Variants in SORBS2 observed in about 807,000 individuals in gnomAD.
SORBS2 encodes the protein sorbin and SH3 domain containing 2, also known as sorbin and SH3 domain-containing protein 2.
Under a neutral mutation model 97.7 loss-of-function variants are expected in SORBS2, and 46 were observed. The ratio of observed to expected loss-of-function variants is 0.47; its 90% CI spans 0.37 to 0.60. SORBS2 has a LOEUF of 0.60. Ranked by LOEUF, SORBS2 falls within the 20% of genes least tolerant of loss-of-function variation. The probability of loss-of-function intolerance (pLI) is 0.00; values close to 1 mark genes in which losing one functional copy is unlikely to be tolerated. For missense variants in SORBS2, 1,316 were observed against 1,282.3 expected (o/e 1.03, Z -0.40); for synonymous variants, 476 against 473.4 (o/e 1.01, Z -0.07).
intron 1 of SORBS2, among the ~76,000 whole-genome samples, chr4:185,885,708 T>C (rs1305376408): frequency 6.6e-6 from 1 of 152,238 alleles, no homozygotes; most frequent in Non-Finnish European, 1.5e-5. Context: ...ACCTGAACAC[T>C]TGGCTCTTTA....
intron 1 of SORBS2, among the ~76,000 whole-genome samples, chr4:185,798,063 C>T (rs1404190973): frequency 3.9e-5 from 6 of 152,170 alleles, no homozygotes; most frequent in Non-Finnish European, 5.9e-5. Context: ...ACTGAACATA[C>T]GCAGCCTGGA....
chr4:185,727,073 G>T lies in SORBS2; in HGVS notation c.-198+48154C>A, dbSNP rs557930505. ...TAAGTACGCTTTGAACAGATCAGAA[G>T]CCCTGGACAGACGCCACCACAAAAG... On this transcript the variant is annotated intron_variant, in intron 2 of 20. Transcript: ENST00000284776. Among the ~76,000 whole-genome samples, 14 of 152,288 alleles carry T rather than the reference G, an allele frequency of 9.2e-5. No homozygotes were observed. The South Asian group carries it at 2.9e-3, about 32-fold the overall frequency.
chr4:185,856,112 T>A (rs553868647), intron 1 of SORBS2, among the ~76,000 whole-genome samples: 1 of 152,328 alleles, frequency 6.6e-6, no homozygotes, highest in Admixed American at 6.5e-5. Context: ...AGTGCATTTC[T>A]CACATTCCGT....
intron 1 of SORBS2, among the ~76,000 whole-genome samples, chr4:185,780,084 C>T (rs970954676): frequency 2.1e-5 from 3 of 142,068 alleles, no homozygotes; most frequent in Admixed American, 7.9e-5. Flanking sequence ...AGCACAATCT[C>T]GGCTCACCGC....
At chr4:185,646,526 A>G in intron 4 of SORBS2, 142 bp downstream of exon 13, 1 of 595,786 alleles carries the variant, frequency 1.7e-6, no homozygotes. Context: ...GATGAGATGT[A>G]CAAATCATTA....
chr4:185,725,711 T>C (rs892131232), intron 2 of SORBS2, among the ~76,000 whole-genome samples: 1 of 152,194 alleles, frequency 6.6e-6, no homozygotes, highest in African/African-American at 2.4e-5. Flanking sequence ...TTAATTTTAT[T>C]TTATCAAATA....
intron 1 of SORBS2, among the ~76,000 whole-genome samples, chr4:185,795,111 G>T (rs749812488): frequency 2.6e-5 from 4 of 152,088 alleles, no homozygotes; most frequent in Non-Finnish European, 5.9e-5. Flanking sequence ...GAACGGCCAG[G>T]TGTTCTGTTT....
chr4:185,930,997 G>C (rs2099266158), intron 1 of SORBS2, among the ~76,000 whole-genome samples: 1 of 152,086 alleles, frequency 6.6e-6, no homozygotes. Flanking sequence ...TAGTAAGTTA[G>C]AGAATGCTGA....
chr4:185,893,698 T>G (rs563135776), intron 1 of SORBS2, among the ~76,000 whole-genome samples: 1 of 152,270 alleles, frequency 6.6e-6, no homozygotes, highest in East Asian at 1.9e-4. Flanking sequence ...TTAGACTATC[T>G]TCCATTCCAG....
At chr4:185,703,977 G>C (rs1345538004) in intron 2 of SORBS2, among the ~76,000 whole-genome samples, 1 of 151,926 alleles carries the variant, frequency 6.6e-6, no homozygotes, top group Admixed American at 6.6e-5. Context: ...AATCCTCCAG[G>C]GTCCTAGTTT....
chr4:185,816,390 T>C (rs1009488823), intron 1 of SORBS2, among the ~76,000 whole-genome samples: 2 of 152,324 alleles, frequency 1.3e-5, no homozygotes, highest in South Asian at 4.1e-4. Context: ...CAAAGACTTT[T>C]GTAAAGCTTA....
intron 1 of SORBS2, among the ~76,000 whole-genome samples, chr4:185,941,543 A>C (rs2099272011): frequency 6.6e-6 from 1 of 152,182 alleles, no homozygotes; most frequent in South Asian, 2.1e-4. Flanking sequence ...ATTGCTTCTT[A>C]TAATCTCACA....
intron 1 of SORBS2, among the ~76,000 whole-genome samples, chr4:185,815,595 T>A (rs10017782): frequency 0.29 from 43,323 of 151,826 alleles, 6,514 homozygotes; most frequent in African/African-American, 0.37. Context: ...AACAAATATA[T>A]TATCATCAAA....
intron 1 of SORBS2, among the ~76,000 whole-genome samples, chr4:185,849,779 C>G (rs1190101365): frequency 1.3e-5 from 2 of 152,248 alleles, no homozygotes; most frequent in East Asian, 1.9e-4. Flanking sequence ...TCCATCTGGT[C>G]CTGTTCACAG....
intron 1 of SORBS2, among the ~76,000 whole-genome samples, chr4:185,884,111 G>T (rs1485703765): frequency 1.3e-5 from 2 of 152,146 alleles, no homozygotes; most frequent in African/African-American, 2.4e-5. Context: ...CTGGATTGTG[G>T]TGAAGTTTAC....
intron 2 of SORBS2, among the ~76,000 whole-genome samples, chr4:185,709,028 C>CT (rs1562043287): frequency 6.6e-6 from 1 of 152,156 alleles, no homozygotes; most frequent in South Asian, 2.1e-4. Flanking sequence ...AACCTTTTCT[C>CT]TTTTTTTGAG....
chr4:185,938,463 G>C (rs2099270229), intron 1 of SORBS2, among the ~76,000 whole-genome samples: 1 of 145,990 alleles, frequency 6.8e-6, no homozygotes, highest in African/African-American at 2.6e-5. Flanking sequence ...TCTAAAACTT[G>C]TCCACAAACT....
intron 12 of SORBS2, among the ~76,000 whole-genome samples, chr4:185,596,755 G>C (rs527431559): frequency 1.3e-5 from 2 of 151,844 alleles, no homozygotes; most frequent in South Asian, 2.1e-4. Context: ...GGATGGTCTC[G>C]ATCTCCTGAC....
chr4:185,935,373 TGGGAGA>T (rs2099268435), intron 1 of SORBS2, among the ~76,000 whole-genome samples: 1 of 152,228 alleles, frequency 6.6e-6, no homozygotes, highest in Non-Finnish European at 1.5e-5. Context: ...AACTAAGCCA[TGGGAGA>T]TAACACGTTT....
Sources: gnomAD v4.1 joint callset for allele counts (sites outside exome capture counted in the v4.1 genomes callset) on GRCh38, gnomAD v4.1.1 for gene constraint, MANE v1.5 for transcripts, NCBI Gene and HGNC (gene_info 2026-07-23, HGNC 2026-07-21) for gene names.